DMAP1: variants seen among roughly 807,000 people sequenced by gnomAD.
The protein encoded by DMAP1 is DNA methyltransferase 1-associated protein 1.
Under a neutral mutation model 52.7 loss-of-function variants are expected in DMAP1, and 26 were observed. That is an observed-to-expected ratio of 0.49 (90% CI 0.36 to 0.68). DMAP1 has a LOEUF of 0.68. Ranked by LOEUF, DMAP1 falls within the 30% of genes least tolerant of loss-of-function variation. The pLI is 0.00. For synonymous variants in DMAP1, 231 were observed against 246.0 expected (o/e 0.94, Z 0.57); for missense variants, 439 against 625.2 (o/e 0.70, Z 3.18).
intron 9 of DMAP1, 37 bp downstream of exon 9, chr1:44,220,346 C>T: frequency 6.6e-7 from 1 of 1,524,694 alleles, no homozygotes; most frequent in East Asian, 2.3e-5. Flanking sequence ...ACGCCTGGGC[C>T]CTGCGAGTGA....
rs1212721908 is a variant in DMAP1 at position 44,213,688 on chromosome 1, C to G, written c.-66C>G. ...GTCTGGATTGGCCCCGCCCCCTGACCTGAGCCTGGTCCTTCTTCAGGCACT... is the reference window on the plus strand; with the variant it reads ...GTCTGGATTGGCCCCGCCCCCTGACGTGAGCCTGGTCCTTCTTCAGGCACT... On this transcript the variant is annotated 5_prime_UTR_variant, in exon 1 of 10. Coordinates refer to ENST00000372289, the MANE Select transcript of DMAP1 (RefSeq NM_019100.5). The surrounding 1 kb of genome is among the most constrained non-coding windows in gnomAD (Gnocchi z 4.5). 10 of 1,484,610 alleles carry G rather than the reference C, an allele frequency of 6.7e-6. No homozygotes were observed. The highest frequency in any genetic ancestry group is 1.4e-5 in the African/African-American group (1 of 71,868). The allele number at this position is 1,484,610 out of a possible 1,614,324, so 92.0% of individuals were successfully genotyped here.
At chr1:44,214,674 C>G (rs1360801727) in intron 2 of DMAP1, 29 bp from the exon 3 acceptor site, 1 of 1,611,992 alleles carries the variant, frequency 6.2e-7, no homozygotes, top group Admixed American at 1.7e-5. Context: ...CTGATTCTAA[C>G]CTCGCATCTC....
chr1:44,217,036 C>T (rs1006209467), intron 3 of DMAP1: 3 of 152,186 alleles, frequency 2.0e-5, no homozygotes, highest in African/African-American at 7.2e-5. Flanking sequence ...TGTCTCAAAT[C>T]ATCTGTGGTG....
intron 6 of DMAP1, 69 bp from the exon 7 acceptor site, chr1:44,219,337 G>C: frequency 6.5e-7 from 1 of 1,549,696 alleles, no homozygotes; most frequent in South Asian, 1.3e-5. Flanking sequence ...CAGTGCTGAT[G>C]GGGTGCTAGG....
In DMAP1 at chr1:44,220,230, C is replaced by T; in HGVS notation, c.1265C>T (p.Ala422Val). ...SGPGPASAEP[A>V]VTEPGLGPDP... ...CCAGGCCCGGCCTCTGCTGAGCCGG[C>T]AGTGACTGAACCCGGACTTGGTCCT... The change falls in exon 9 of 10, where the codon GCA (alanine) becomes GTA (valine). Residue 422 changes from alanine to valine, a missense_variant. This residue lies in a region of DMAP1 where 179 missense variants were observed against 285.9 expected (regional missense o/e 0.63). Coordinates refer to ENST00000372289, the MANE Select transcript of DMAP1 (RefSeq NM_019100.5). 1 of 1,587,556 alleles carries T rather than the reference C, an allele frequency of 6.3e-7. No homozygotes were observed. Among genetic ancestry groups the T allele is most frequent in the East Asian group, 2.3e-5 (1 of 44,260 alleles).
In DMAP1 at chr1:44,218,275, C is replaced by T. The variant is rs368883614; in HGVS notation, c.394-36C>T. The T allele has an allele frequency of 1.6e-5, 26 of 1,613,956 alleles. No individual in the cohort carries two copies. Among genetic ancestry groups the T allele is most frequent in the African/African-American group, 1.2e-4 (9 of 74,948 alleles). ...GGAGCCTGCTGGACATGACATCATGCGGGCATGCCCCTACTGTGTCCCTCT... is the reference window on the plus strand; with the variant it reads ...GGAGCCTGCTGGACATGACATCATGTGGGCATGCCCCTACTGTGTCCCTCT... On this transcript the variant is annotated intron_variant, in intron 3 of 9. Coordinates refer to ENST00000372289, the MANE Select transcript of DMAP1 (RefSeq NM_019100.5). This position sits in a 1 kb window ranked among gnomAD's most constrained non-coding sequence, Gnocchi z 5.6.
In DMAP1 at chr1:44,213,722, A is replaced by C. The variant is rs777534450; in HGVS notation, c.-32A>C. ...GTCCTTCTTCAGGCACTGACCCTTG[A>C]CCTCCGGTGGCTCCCCCATCTCTCA... On this transcript the variant is annotated 5_prime_UTR_variant, in exon 1 of 10. Coordinates refer to ENST00000372289, the MANE Select transcript of DMAP1 (RefSeq NM_019100.5). This position sits in a 1 kb window ranked among gnomAD's most constrained non-coding sequence, Gnocchi z 4.5. The C allele has an allele frequency of 1.9e-6, 3 of 1,552,578 alleles. No homozygotes were observed. The highest frequency in any genetic ancestry group is 2.4e-5 in the South Asian group (2 of 84,132).
Position 44,214,390 on chromosome 1 carries a change from G to A in DMAP1, c.146G>A (p.Arg49Lys). 6.2e-7 allele frequency: 1 copy of A among 1,614,152 alleles called. No homozygotes were observed. Among genetic ancestry groups the A allele is most frequent in the Non-Finnish European group, 8.5e-7 (1 of 1,180,012 alleles). The part of the protein sequence containing the change: ...KKSSETLTFK[R>K]PEGMHREVYA... The stretch of plus-strand genomic sequence containing the variant: ...TCCTCTGAGACACTGACTTTCAAGA[G>A]GCCCGAGGGCATGCACCGGGAAGTC... Residue 49 changes from arginine (R) to lysine (K), a missense_variant, in exon 2 of 10, where the codon AGG (arginine) becomes AAG (lysine). Physicochemically the swap from Arg to Lys is conservative, Grantham distance 26 (BLOSUM62 2). Coordinates refer to ENST00000372289, the MANE Select transcript of DMAP1 (RefSeq NM_019100.5).
At chr1:44,217,389 G>C (rs1557755310) in intron 3 of DMAP1, 1 of 152,300 alleles carries the variant, frequency 6.6e-6, no homozygotes, top group Non-Finnish European at 1.5e-5. Flanking sequence ...ACAGTGGGTA[G>C]GCCGACGGAG....
At position 44,218,534 on chromosome 1, in the gene DMAP1, A is replaced by T; in HGVS notation, c.553-54A>T. ...GTCTAGCAGGCCCTACTTTTATGCC[A>T]TCTCTTCCACATGCCCCTGAATGTT... On this transcript the variant is annotated intron_variant, in intron 4 of 9. Coordinates refer to ENST00000372289, the MANE Select transcript of DMAP1 (RefSeq NM_019100.5). This position sits in a 1 kb window ranked among gnomAD's most constrained non-coding sequence, Gnocchi z 5.6. The T allele has an allele frequency of 1.2e-6, 2 of 1,608,568 alleles. No individual in the cohort carries two copies. Among genetic ancestry groups the T allele is most frequent in the Non-Finnish European group, 1.7e-6 (2 of 1,175,682 alleles).
At chr1:44,220,484 G>C in intron 9 of DMAP1, 75 bp from the exon 10 acceptor site, 2 of 1,612,618 alleles carry the variant, frequency 1.2e-6, no homozygotes, top group Non-Finnish European at 1.7e-6. Context: ...GTCCCTGAGC[G>C]TGTGAAGCAC....
intron 7 of DMAP1, 89 bp from the exon 8 acceptor site, chr1:44,219,717 C>A: frequency 6.7e-7 from 1 of 1,499,458 alleles, no homozygotes; most frequent in Middle Eastern, 1.9e-4. Context: ...TACCGTCTCT[C>A]TTCCACCATC....
chr1:44,216,549 G>A (rs1572028228), intron 3 of DMAP1: 1 of 152,324 alleles, frequency 6.6e-6, no homozygotes, highest in East Asian at 1.9e-4. Context: ...TGGTTTGTTT[G>A]TTTTTTAGTT....
In DMAP1 at chr1:44,220,185, C is replaced by A. The variant is rs755514530; in HGVS notation, c.1220C>A (p.Pro407His). The change falls in exon 9 of 10, where the codon CCT becomes CAT. Residue 407 changes from proline (P) to histidine (H), a missense_variant. This residue lies in a region of DMAP1 where 179 missense variants were observed against 285.9 expected (regional missense o/e 0.63). Transcript: ENST00000372289. Reference sequence around the variant, plus strand: ...GCCCGGGCTGGTGTGCTAGGGGGCCCTGCCACACCAGCATCAGGCCCAGGC... The same window carrying A: ...GCCCGGGCTGGTGTGCTAGGGGGCCATGCCACACCAGCATCAGGCCCAGGC... ...ALARAGVLGG[P>H]ATPASGPGPA... is the part of the protein sequence containing the mutation. The A allele has an allele frequency of 6.2e-7, 1 of 1,605,086 alleles. No individual in the cohort carries two copies. Among genetic ancestry groups the A allele is most frequent in the Middle Eastern group, 1.7e-4 (1 of 6,032 alleles).
chr1:44,220,519 TG>T (rs756641928), intron 9 of DMAP1, 39 bp from the exon 10 acceptor site: 1 of 1,614,044 alleles, frequency 6.2e-7, no homozygotes, highest in Non-Finnish European at 8.5e-7. Context: ...ACTCAGGCCT[TG>T]GGGGGTCACT....
intron 1 of DMAP1, among the ~76,000 whole-genome samples, 172 bp from the exon 2 acceptor site, chr1:44,214,178 T>C (rs1165658515): frequency 6.6e-6 from 1 of 152,222 alleles, no homozygotes; most frequent in Non-Finnish European, 1.5e-5. Flanking sequence ...GGGACTGCTC[T>C]GATTTGGGCG....
rs932144962 is a variant in DMAP1, at chr1:44,220,495, A to G, written c.1345-64A>G. On this transcript the variant is annotated intron_variant, in intron 9 of 9. Coordinates refer to ENST00000372289, the MANE Select transcript of DMAP1 (RefSeq NM_019100.5). ...CCTTGTCCCTGAGCGTGTGAAGCACATGCACTAAGCCTGACTCAGGCCTTG... is the reference window on the plus strand; with the variant it reads ...CCTTGTCCCTGAGCGTGTGAAGCACGTGCACTAAGCCTGACTCAGGCCTTG... 18 of 1,613,736 alleles carry G rather than the reference A, an allele frequency of 1.1e-5. No individual in the cohort carries two copies. In the African/African-American group the frequency reaches 2.3e-4, roughly 20 times the overall value.
rs975968226 is a variant in DMAP1, at chr1:44,218,001, G to A, written c.394-310G>A. On this transcript the variant is annotated intron_variant, in intron 3 of 9. Transcript: ENST00000372289. The surrounding 1 kb of genome is among the most constrained non-coding windows in gnomAD (Gnocchi z 5.6). Reference sequence around the variant, plus strand: ...CTGTCCTACTCCAGAGTTGACCTTTGGACTCCACAGAAGCACTTACATGTG... The same window carrying A: ...CTGTCCTACTCCAGAGTTGACCTTTAGACTCCACAGAAGCACTTACATGTG... 1.1e-5 allele frequency: 5 copies of A among 466,904 alleles called. No homozygotes were observed. Among genetic ancestry groups the A allele is most frequent in the Non-Finnish European group, 2.0e-5 (5 of 253,078 alleles). 28.9% of individuals were successfully genotyped at this position (466,904 alleles called of 1,614,324 possible).
chr1:44,220,337 C>T (rs372900937), intron 9 of DMAP1, 28 bp downstream of exon 9: 41 of 1,530,154 alleles, frequency 2.7e-5, no homozygotes, highest in South Asian at 1.2e-4. Flanking sequence ...CTGGGAGGCA[C>T]GCCTGGGCCC....
Sources: allele counts gnomAD v4.1 joint callset (sites outside exome capture counted in the v4.1 genomes callset), GRCh38; gene constraint gnomAD v4.1.1; regional missense constraint gnomAD v4.1.1; non-coding constraint Gnocchi (gnomAD v3.1); transcripts MANE v1.5; gene names NCBI Gene and HGNC (gene_info 2026-07-23, HGNC 2026-07-21).